STPG2: variants seen among roughly 807,000 people sequenced by gnomAD.
The protein encoded by STPG2 is sperm-tail PG-rich repeat-containing protein 2.
STPG2 carries 56 observed loss-of-function variants against 54.2 expected under a neutral mutation model. The ratio of observed to expected loss-of-function variants is 1.03; its 90% CI spans 0.83 to 1.29. The LOEUF (loss-of-function observed/expected upper bound fraction) is 1.29, where lower values mean the gene tolerates loss of function less well. Among genes scored for constraint, STPG2 ranks in the 50% most tolerant of loss-of-function variants. The probability of loss-of-function intolerance (pLI) is 0.00; values close to 1 mark genes in which losing one functional copy is unlikely to be tolerated. For synonymous variants in STPG2, 200 were observed against 181.8 expected (o/e 1.10, Z -0.81); for missense variants, 596 against 544.9 (o/e 1.09, Z -0.93).
chr4:97,586,952 C>T (rs1733016988), intron 10 of STPG2, among the ~76,000 whole-genome samples: 2 of 151,832 alleles, frequency 1.3e-5, no homozygotes, highest in African/African-American at 2.4e-5. Flanking sequence ...TTATAAATCA[C>T]ATTTGATGAT....
intron 5 of STPG2, among the ~76,000 whole-genome samples, chr4:98,030,300 G>T (rs1408215207): frequency 6.6e-6 from 1 of 152,088 alleles, no homozygotes; most frequent in African/African-American, 2.4e-5. Context: ...AGCTCACATA[G>T]GCAAATTACA....
intron 4 of STPG2, among the ~76,000 whole-genome samples, chr4:97,483,737 T>C (rs1383826475): frequency 6.6e-6 from 1 of 151,844 alleles, no homozygotes; most frequent in African/African-American, 2.4e-5. Context: ...AACAGATATA[T>C]ACAGAACTTT....
intron 7 of STPG2, among the ~76,000 whole-genome samples, chr4:97,969,337 G>A (rs527397701): frequency 1.3e-5 from 2 of 152,300 alleles, no homozygotes; most frequent in African/African-American, 2.4e-5. Flanking sequence ...CTGCACAGAT[G>A]TTATGTCAAA....
At chr4:97,527,464 C>T (rs540609792) in intron 4 of STPG2, among the ~76,000 whole-genome samples, 20 of 152,216 alleles carry the variant, frequency 1.3e-4, no homozygotes, top group East Asian at 3.9e-4. Context: ...TAAACATACA[C>T]GTGCATGTAT....
At chr4:97,975,630 A>G (rs1002343203) in intron 6 of STPG2, among the ~76,000 whole-genome samples, 23 of 152,168 alleles carry the variant, frequency 1.5e-4, no homozygotes, top group Non-Finnish European at 2.9e-4. Context: ...AGCAATATCC[A>G]TCAGACTCAA....
chr4:98,110,948 C>G (rs1201784763), intron 3 of STPG2, among the ~76,000 whole-genome samples: 2 of 56,668 alleles, frequency 3.5e-5, no homozygotes. Context: ...CAAATCCATA[C>G]CTGCCCCACC....
chr4:97,834,531 G>T (rs1159532736), intron 9 of STPG2, among the ~76,000 whole-genome samples: 1 of 151,902 alleles, frequency 6.6e-6, no homozygotes, highest in African/African-American at 2.4e-5. Flanking sequence ...TATTCGTGCT[G>T]CACTTTATAC....
At chr4:97,871,205 A>C (rs1178394224) in intron 8 of STPG2, among the ~76,000 whole-genome samples, 2 of 151,086 alleles carry the variant, frequency 1.3e-5, no homozygotes, top group African/African-American at 4.8e-5. Flanking sequence ...AAATAATAAA[A>C]ATAAATTAAA....
At chr4:97,694,996 A>T (rs1340158504) in intron 10 of STPG2, among the ~76,000 whole-genome samples, 1 of 151,668 alleles carries the variant, frequency 6.6e-6, no homozygotes, top group African/African-American at 2.4e-5. Context: ...CATGAAGCCA[A>T]TGTCACCCTA....
chr4:97,441,563 A>C (rs2148790196), intron 4 of STPG2: 1 of 152,128 alleles, frequency 6.6e-6, no homozygotes, highest in African/African-American at 2.4e-5. Flanking sequence ...TATTTCAGTA[A>C]GTGGTATCTC....
At chr4:98,026,340 C>T (rs1340590052) in intron 5 of STPG2, 2 of 516,220 alleles carry the variant, frequency 3.9e-6, no homozygotes, top group East Asian at 7.2e-5. Context: ...ATGGAGTGTA[C>T]CGTGTTAGTT....
In STPG2 at chr4:97,619,657, A is replaced by G. The variant is rs570751177; in HGVS notation, c.1321-60540T>C. ...ACCCCATGCCCTCCACTCAACACAT[A>G]TAATTTCCAGATTAAACATTTCTCC... On this transcript the variant is annotated intron_variant, in intron 10 of 10. Coordinates refer to ENST00000295268, the MANE Select transcript of STPG2 (RefSeq NM_174952.3). 3.3e-5 allele frequency among the ~76,000 whole-genome samples: 5 copies of G among 151,878 alleles called. No individual in the cohort carries two copies. In the South Asian group the frequency reaches 1.0e-3, roughly 32 times the overall value.
At chr4:97,553,464 G>T (rs911046476) in intron 4 of STPG2, among the ~76,000 whole-genome samples, 5 of 152,062 alleles carry the variant, frequency 3.3e-5, no homozygotes, top group African/African-American at 1.2e-4. Context: ...ATGAATGTAG[G>T]CTCTAAATTG....
At chr4:97,915,178 G>A (rs1731826268) in intron 8 of STPG2, among the ~76,000 whole-genome samples, 2 of 152,080 alleles carry the variant, frequency 1.3e-5, no homozygotes, top group Non-Finnish European at 2.9e-5. Flanking sequence ...AACTCACTAT[G>A]GGAAGTACTG....
intron 4 of STPG2, among the ~76,000 whole-genome samples, chr4:97,464,118 G>C (rs1729733430): frequency 6.6e-6 from 1 of 152,066 alleles, no homozygotes; most frequent in Non-Finnish European, 1.5e-5. Context: ...CTAATCAGTT[G>C]GGTAAACACC....
intron 3 of STPG2, among the ~76,000 whole-genome samples, chr4:98,124,690 T>C (rs911295133): frequency 6.6e-6 from 1 of 152,192 alleles, no homozygotes. Context: ...TTACTGGGGT[T>C]CTCTGGATTT....
intron 5 of STPG2, among the ~76,000 whole-genome samples, chr4:98,093,526 T>G (rs1238964783): frequency 6.6e-6 from 1 of 152,212 alleles, no homozygotes; most frequent in Non-Finnish European, 1.5e-5. Flanking sequence ...TCATCTCTCC[T>G]GCTGGAACAC....
At chr4:97,724,505 C>G (rs1724557325) in intron 9 of STPG2, among the ~76,000 whole-genome samples, 1 of 152,054 alleles carries the variant, frequency 6.6e-6, no homozygotes, top group African/African-American at 2.4e-5. Flanking sequence ...TTTCATTACT[C>G]TTTTGAAAAT....
intron 5 of STPG2, among the ~76,000 whole-genome samples, chr4:98,045,064 C>A (rs1737081610): frequency 6.6e-6 from 1 of 151,738 alleles, no homozygotes; most frequent in Non-Finnish European, 1.5e-5. Flanking sequence ...TCTCTGGGAT[C>A]CCTGCCCAGC....
Sources: gnomAD v4.1 joint callset for allele counts (sites outside exome capture counted in the v4.1 genomes callset) on GRCh38, gnomAD v4.1.1 for gene constraint, MANE v1.5 for transcripts, NCBI Gene and HGNC (gene_info 2026-07-23, HGNC 2026-07-21) for gene names.